Variants in ABTB3 observed in about 807,000 individuals in gnomAD.
ABTB3 encodes the protein ankyrin repeat- and BTB/POZ domain-containing protein 3.
At chr12:107,525,347 A>AAAAAAAAAAG in the ABTB3 span, among the ~76,000 whole-genome samples, 1 of 149,744 alleles carries the variant, frequency 6.7e-6, no homozygotes, top group Non-Finnish European at 1.5e-5. Context: ...AAAAAAAAAA[A>AAAAAAAAAAG]AAAGAAAGAA....
chr12:107,425,511 CTAGAT>C, the ABTB3 span, among the ~76,000 whole-genome samples: 30 of 152,144 alleles, frequency 2.0e-4, no homozygotes. Context: ...ATGATTTTGC[CTAGAT>C]TAAACAAACT....
chr12:107,385,559 C>A, the ABTB3 span, among the ~76,000 whole-genome samples: 2 of 152,152 alleles, frequency 1.3e-5, no homozygotes. Flanking sequence ...TTCCTGCTGG[C>A]TGGGGTGAGG....
chr12:107,541,455 C>T, the ABTB3 span, among the ~76,000 whole-genome samples: 1,550 of 152,252 alleles, frequency 0.01, 34 homozygotes, highest in African/African-American at 0.036. Context: ...TTCTCTGTAG[C>T]GAGATAGACT....
the ABTB3 span, among the ~76,000 whole-genome samples, chr12:107,466,469 C>A: frequency 6.6e-6 from 1 of 151,592 alleles, no homozygotes. Flanking sequence ...CCTCCCCAAG[C>A]ACAAATGTCC....
At chr12:107,656,849 C>G in the ABTB3 span, among the ~76,000 whole-genome samples, 3 of 152,046 alleles carry the variant, frequency 2.0e-5, no homozygotes, top group African/African-American at 7.2e-5. Flanking sequence ...ATTCTAAGAG[C>G]AGGATTCATG....
At chr12:107,598,609 G>T in the ABTB3 span, among the ~76,000 whole-genome samples, 2 of 152,150 alleles carry the variant, frequency 1.3e-5, no homozygotes, top group Non-Finnish European at 2.9e-5. Context: ...ATAAATGTTC[G>T]CATGAAATAA....
the ABTB3 span, among the ~76,000 whole-genome samples, chr12:107,419,246 G>A: frequency 2.0e-5 from 3 of 152,216 alleles, no homozygotes; most frequent in Non-Finnish European, 4.4e-5. Flanking sequence ...TGGCCTATGA[G>A]GGAGACATGT....
At chr12:107,523,640 T>A in the ABTB3 span, among the ~76,000 whole-genome samples, 1 of 152,058 alleles carries the variant, frequency 6.6e-6, no homozygotes, top group Non-Finnish European at 1.5e-5. Context: ...ATGATTTGGG[T>A]GTAATATGTG....
chr12:107,338,441 C>T, the ABTB3 span, among the ~76,000 whole-genome samples: 1 of 152,186 alleles, frequency 6.6e-6, no homozygotes, highest in Non-Finnish European at 1.5e-5. Flanking sequence ...GGTGAAGTAT[C>T]TTGCCCTATG....
the ABTB3 span, among the ~76,000 whole-genome samples, chr12:107,626,995 T>TAAAATA: frequency 1.2e-3 from 185 of 152,140 alleles, 1 homozygote; most frequent in African/African-American, 4.1e-3. Context: ...AAATAAAAAT[T>TAAAATA]AAAATTAAAA....
the ABTB3 span, among the ~76,000 whole-genome samples, chr12:107,487,510 G>A: frequency 6.6e-6 from 1 of 152,100 alleles, no homozygotes; most frequent in East Asian, 1.9e-4. Flanking sequence ...CCTTGGGGAA[G>A]GAAAGGACAT....
At chr12:107,572,281 T>C in the ABTB3 span, among the ~76,000 whole-genome samples, 1 of 151,796 alleles carries the variant, frequency 6.6e-6, no homozygotes, top group East Asian at 2.0e-4. Flanking sequence ...AGGAATGGAC[T>C]CTCTCCTAGA....
chr12:107,401,619 T>C, the ABTB3 span, among the ~76,000 whole-genome samples: 4 of 152,176 alleles, frequency 2.6e-5, no homozygotes, highest in Non-Finnish European at 5.9e-5. Flanking sequence ...GCGGATGCCC[T>C]GGGGTTAAAA....
At chr12:107,589,409 A>C in the ABTB3 span, among the ~76,000 whole-genome samples, 1 of 152,182 alleles carries the variant, frequency 6.6e-6, no homozygotes, top group African/African-American at 2.4e-5. Context: ...CTTGGGAGTC[A>C]CTGTCCCCAC....
the ABTB3 span, among the ~76,000 whole-genome samples, chr12:107,594,296 T>C: frequency 6.6e-6 from 1 of 152,218 alleles, no homozygotes; most frequent in African/African-American, 2.4e-5. Context: ...TTTTTAAACA[T>C]ATTCAGACAG....
chr12:107,652,973 G>A, the ABTB3 span, among the ~76,000 whole-genome samples: 2 of 152,158 alleles, frequency 1.3e-5, no homozygotes, highest in Non-Finnish European at 2.9e-5. Context: ...GTGAAATGGT[G>A]CAATCTAGGC....
chr12:107,332,341 T>A, the ABTB3 span, among the ~76,000 whole-genome samples: 1 of 152,234 alleles, frequency 6.6e-6, no homozygotes, highest in Admixed American at 6.5e-5. Context: ...GCCACACTCC[T>A]GGCACCATTT....
the ABTB3 span, chr12:107,520,559 C>T: frequency 6.2e-7 from 1 of 1,614,224 alleles, no homozygotes. Flanking sequence ...GGGGAACTGC[C>T]CATGTTCAGC....
the ABTB3 span, among the ~76,000 whole-genome samples, chr12:107,394,171 A>T: frequency 1.3e-5 from 2 of 152,102 alleles, no homozygotes; most frequent in East Asian, 3.9e-4. Context: ...TGCACACATC[A>T]TCTTGCGTGA....
Sources: gnomAD v4.1 joint callset for allele counts (sites outside exome capture counted in the v4.1 genomes callset) on GRCh38, gnomAD v4.1.1 for gene constraint, MANE v1.5 for transcripts, NCBI Gene and HGNC (gene_info 2026-07-23, HGNC 2026-07-21) for gene names.